Variants in IRAG2 observed in about 807,000 individuals in gnomAD.
IRAG2 encodes the protein inositol 1,4,5-triphosphate receptor associated 2, also known as lymphoid restricted membrane protein.
A neutral mutation model predicts 69.9 loss-of-function variants in IRAG2; 45 were observed. That is an observed-to-expected ratio of 0.64 (90% CI 0.51 to 0.83). The LOEUF (loss-of-function observed/expected upper bound fraction) is 0.83. Among genes scored for constraint, IRAG2 ranks in the 40% least tolerant of loss-of-function variants. The pLI is 0.00. For synonymous variants in IRAG2, 193 were observed against 202.4 expected, an observed-to-expected ratio of 0.95 and a Z score of 0.40; for missense variants, 520 against 587.0, an observed-to-expected ratio of 0.89 and a Z score of 1.18.
chr12:25,001,892 C>T (rs1944394161), upstream of IRAG2, among the ~76,000 whole-genome samples: 1 of 151,742 alleles, frequency 6.6e-6, no homozygotes, highest in East Asian at 1.9e-4. Flanking sequence ...GCCTCAGCCT[C>T]CTGAGTAGCT....
chr12:25,023,253 C>T (rs1333781317), intron 7 of IRAG2, among the ~76,000 whole-genome samples: 5 of 151,136 alleles, frequency 3.3e-5, no homozygotes, highest in Non-Finnish European at 7.4e-5. Context: ...GATATTTTTT[C>T]TTTCATTTTT....
At chr12:25,085,266 C>A (rs553928590) in intron 10 of IRAG2, among the ~76,000 whole-genome samples, 1 of 152,298 alleles carries the variant, frequency 6.6e-6, no homozygotes, top group African/African-American at 2.4e-5. Context: ...AGGATGAGTG[C>A]AAGGTTTTAC....
At chr12:25,064,597 A>G (rs1245032031) in intron 4 of IRAG2, among the ~76,000 whole-genome samples, 1 of 152,248 alleles carries the variant, frequency 6.6e-6, no homozygotes, top group Non-Finnish European at 1.5e-5. Context: ...TGACAAAAAG[A>G]AATGATTATC....
At chr12:25,106,617 C>A (rs1379162666) in intron 20 of IRAG2, among the ~76,000 whole-genome samples, 1 of 91,732 alleles carries the variant, frequency 1.1e-5, no homozygotes, top group Non-Finnish European at 2.3e-5. Flanking sequence ...ATGAGACTAA[C>A]TTCTGAAAGT....
chr12:25,020,513 G>T (rs1486304015), intron 6 of IRAG2, among the ~76,000 whole-genome samples: 1 of 152,164 alleles, frequency 6.6e-6, no homozygotes, highest in East Asian at 1.9e-4. Context: ...AGGTAATTCA[G>T]CCAGTGATGA....
chr12:25,035,261 A>G (rs1158254337), intron 13 of IRAG2, among the ~76,000 whole-genome samples: 1 of 152,182 alleles, frequency 6.6e-6, no homozygotes, highest in Non-Finnish European at 1.5e-5. Flanking sequence ...GAAACATCAT[A>G]TGGTCTTTTA....
chr12:25,030,468 C>T, intron 10 of IRAG2: 1 of 480,246 alleles, frequency 2.1e-6, no homozygotes, highest in Admixed American at 4.5e-5. Flanking sequence ...CTCACTGCAA[C>T]CTCCACCTCC....
chr12:25,099,425 T>C (rs1273407231), intron 15 of IRAG2, among the ~76,000 whole-genome samples: 2 of 152,166 alleles, frequency 1.3e-5, no homozygotes, highest in Non-Finnish European at 2.9e-5. Context: ...GAAAATCCTA[T>C]TGGCTGAATT....
chr12:25,081,244 C>T (rs1039445512), intron 9 of IRAG2, among the ~76,000 whole-genome samples: 12 of 152,276 alleles, frequency 7.9e-5, no homozygotes, highest in Admixed American at 2.6e-4. Context: ...AGGCAGATCA[C>T]GAGGTCAGAA....
chr12:25,010,306 A>C (rs1453585922), intron 2 of IRAG2, among the ~76,000 whole-genome samples: 2 of 152,152 alleles, frequency 1.3e-5, no homozygotes, highest in East Asian at 3.9e-4. Flanking sequence ...GTGGAATCCC[A>C]TCTGTACAAA....
chr12:25,035,513 G>GT, intron 13 of IRAG2: 1 of 395,986 alleles, frequency 2.5e-6, no homozygotes, highest in Middle Eastern at 6.3e-4. Flanking sequence ...TTTTTAGGAT[G>GT]TAGGAGAATT....
Position 25,069,401 on chromosome 12 carries a change from C to T in IRAG2, c.-7C>T. 1 of 1,613,942 alleles carries T rather than the reference C, an allele frequency of 6.2e-7. No individual in the cohort carries two copies. Among genetic ancestry groups the T allele is most frequent in the Middle Eastern group, 1.7e-4 (1 of 6,060 alleles). On this transcript the variant is annotated 5_prime_UTR_variant, in exon 6 of 22. Transcript: ENST00000556887. ...GCCCAGGAACGAATCTCTCAGGCTGCATCAGGATGAATGATGACCCAAGTA... is the reference window on the plus strand; with the variant it reads ...GCCCAGGAACGAATCTCTCAGGCTGTATCAGGATGAATGATGACCCAAGTA...
chr12:25,081,259 G>A (rs540837634), intron 9 of IRAG2, among the ~76,000 whole-genome samples: 6 of 152,226 alleles, frequency 3.9e-5, no homozygotes, highest in South Asian at 2.1e-4. Flanking sequence ...TCAGAAGATC[G>A]AGGGACCATC....
chr12:25,019,300 C>T (rs890957536), intron 6 of IRAG2, among the ~76,000 whole-genome samples: 4 of 152,208 alleles, frequency 2.6e-5, no homozygotes, highest in Non-Finnish European at 5.9e-5. Flanking sequence ...ACACCCTACC[C>T]TCTTGGTACC....
At chr12:25,002,684 C>T (rs1944400922), upstream of IRAG2, among the ~76,000 whole-genome samples, 1 of 151,050 alleles carries the variant, frequency 6.6e-6, no homozygotes, top group Non-Finnish European at 1.5e-5. Flanking sequence ...CTCTGTCCCC[C>T]CGGCTAGAGT....
At chr12:25,052,691 G>C (rs1474722282), upstream of IRAG2, 1 of 397,716 alleles carries the variant, frequency 2.5e-6, no homozygotes, top group African/African-American at 2.1e-5. Context: ...TCCCTGAGAA[G>C]AAAAACACAT....
chr12:25,060,043 T>TA (rs886109451), intron 1 of IRAG2, among the ~76,000 whole-genome samples: 3 of 152,080 alleles, frequency 2.0e-5, no homozygotes, highest in East Asian at 1.9e-4. Context: ...TTAGTGATTT[T>TA]AAAAAAAAGT....
chr12:25,002,434 T>C (rs1346349838), upstream of IRAG2, among the ~76,000 whole-genome samples: 1 of 152,166 alleles, frequency 6.6e-6, no homozygotes, highest in Non-Finnish European at 1.5e-5. Context: ...AATTAAAAAG[T>C]ATTTTTGAGG....
chr12:25,020,460 T>C (rs1053906382), intron 6 of IRAG2, among the ~76,000 whole-genome samples: 1 of 152,190 alleles, frequency 6.6e-6, no homozygotes, highest in Non-Finnish European at 1.5e-5. Context: ...TTTGTGGAAC[T>C]GCATTAACTA....
Sources: gnomAD v4.1 joint callset for allele counts (sites outside exome capture counted in the v4.1 genomes callset) on GRCh38, gnomAD v4.1.1 for gene constraint, MANE v1.5 for transcripts, NCBI Gene and HGNC (gene_info 2026-07-23, HGNC 2026-07-21) for gene names.